Variants in TIMP2 observed in about 807,000 individuals in gnomAD.
The protein encoded by TIMP2 is TIMP metallopeptidase inhibitor 2.
Under a neutral mutation model 24.3 loss-of-function variants are expected in TIMP2, and 5 were observed. That is an observed-to-expected ratio of 0.21 (90% confidence interval 0.11 to 0.43). The LOEUF is 0.43. TIMP2 is among the 20% of genes least tolerant of loss of function. The pLI is 1.00. For missense variants in TIMP2, 221 were observed against 297.5 expected, an observed-to-expected ratio of 0.74 and a Z score of 1.89; for synonymous variants, 130 against 123.2, an observed-to-expected ratio of 1.06 and a Z score of -0.37.
At chr17:78,870,252 C>T (rs1327605602) in intron 3 of TIMP2, among the ~76,000 whole-genome samples, 3 of 151,830 alleles carry the variant, frequency 2.0e-5, no homozygotes, top group Non-Finnish European at 4.4e-5. Flanking sequence ...CCCATCTCTA[C>T]TAAAAATACA....
intron 1 of TIMP2, among the ~76,000 whole-genome samples, chr17:78,917,177 A>G (rs899766047): frequency 6.9e-6 from 1 of 144,490 alleles, no homozygotes; most frequent in South Asian, 2.2e-4. Flanking sequence ...GCGTGAACCC[A>G]GGAGGCGGAG....
At chr17:78,905,139 C>CAA (rs11460070) in intron 1 of TIMP2, 342 of 147,508 alleles carry the variant, frequency 2.3e-3, no homozygotes, top group African/African-American at 7.1e-3. Context: ...GACTCCATCT[C>CAA]AAAAAAAAAA....
At chr17:78,867,375 G>C (rs765705945) in intron 3 of TIMP2, among the ~76,000 whole-genome samples, 1 of 152,146 alleles carries the variant, frequency 6.6e-6, no homozygotes, top group Non-Finnish European at 1.5e-5. Flanking sequence ...TGATGACCGA[G>C]ATACCCAGCA....
chr17:78,891,159 TTTGACTTCCATTTCTAAACGTGGGC>T lies in TIMP2; in HGVS notation c.131-17265_131-17241del. ...AATATACCTGCCTCGGGAGACAATG[TTTGACTTCCATTTCTAAACGTGGGC>T]TTGACCGTGCCCTGATATTTTTGGT... On this transcript the variant is annotated intron_variant, in intron 1 of 4. Coordinates refer to ENST00000262768, the MANE Select transcript of TIMP2 (RefSeq NM_003255.5). This position sits in a 1 kb window ranked among gnomAD's most constrained non-coding sequence, Gnocchi z 4.5. 6.4e-7 allele frequency: 1 copy of T among 1,550,692 alleles called. No individual in the cohort carries two copies. The highest frequency in any genetic ancestry group is 8.7e-7 in the Non-Finnish European group (1 of 1,147,012).
intron 1 of TIMP2, chr17:78,899,399 C>G (rs2070054377): frequency 6.6e-6 from 1 of 152,406 alleles, no homozygotes; most frequent in South Asian, 2.1e-4. Flanking sequence ...GCTGTCCACA[C>G]CAGCAAGTCT....
intron 1 of TIMP2, among the ~76,000 whole-genome samples, chr17:78,907,205 T>TTTA (rs2070167796): frequency 6.6e-6 from 1 of 151,958 alleles, no homozygotes; most frequent in Admixed American, 6.6e-5. Flanking sequence ...AGCTAAGTTC[T>TTTA]TTAATTTTTT....
At position 78,893,082 on chromosome 17, in the gene TIMP2, C is replaced by T. The variant is rs538624031; in HGVS notation, c.131-19163G>A. 4.7e-5 allele frequency among the ~76,000 whole-genome samples: 7 copies of T among 149,534 alleles called. No homozygotes were observed. In the East Asian group the frequency reaches 1.0e-3, roughly 21 times the overall value. ...GTGTGTGTGCAGGAGTGTGTGCACGCGTGTGCAGGGGTGTGTGTGGGTGTG... is the reference window on the plus strand; with the variant it reads ...GTGTGTGTGCAGGAGTGTGTGCACGTGTGTGCAGGGGTGTGTGTGGGTGTG... On this transcript the variant is annotated intron_variant, in intron 1 of 4. Coordinates refer to ENST00000262768, the MANE Select transcript of TIMP2 (RefSeq NM_003255.5).
At chr17:78,922,629 C>T (rs1484000800) in intron 1 of TIMP2, among the ~76,000 whole-genome samples, 1 of 152,072 alleles carries the variant, frequency 6.6e-6, no homozygotes, top group African/African-American at 2.4e-5. Flanking sequence ...ACCAGCCTGG[C>T]CAACATGGCG....
intron 3 of TIMP2, among the ~76,000 whole-genome samples, chr17:78,865,980 T>C (rs1228989413): frequency 6.6e-6 from 1 of 150,954 alleles, no homozygotes; most frequent in Non-Finnish European, 1.5e-5. Context: ...TGGGACTTAC[T>C]TTAAAGGCTG....
intron 1 of TIMP2, among the ~76,000 whole-genome samples, chr17:78,887,130 T>G (rs1452152395): frequency 4.6e-5 from 7 of 152,232 alleles, no homozygotes; most frequent in African/African-American, 9.6e-5. Flanking sequence ...TGTGGGATGC[T>G]ACTCCCGCCC....
At chr17:78,856,015 G>A (rs8176329) in intron 4 of TIMP2, 151 bp from the exon 5 acceptor site, 579,857 of 758,672 alleles carry the variant, frequency 0.76, 224,272 homozygotes, top group Admixed American at 0.85. Flanking sequence ...TTCCTGCAGG[G>A]GCAGGCAGCT....
Position 78,905,567 on chromosome 17 carries a change from A to G in TIMP2, c.130+19392T>C, listed in dbSNP as rs1178868033. Among the ~76,000 whole-genome samples the G allele has an allele frequency of 2.6e-5, 4 of 152,224 alleles. No individual in the cohort carries two copies. The East Asian group carries it at 7.7e-4, about 29-fold the overall frequency. On this transcript the variant is annotated intron_variant, in intron 1 of 4. Coordinates refer to ENST00000262768, the MANE Select transcript of TIMP2 (RefSeq NM_003255.5). Reference sequence around the variant, plus strand: ...CTAGTGAGGAGGAAATAGCATGGGGACCAACAGGATGGCACGCTAGGCCTT... The same window carrying G: ...CTAGTGAGGAGGAAATAGCATGGGGGCCAACAGGATGGCACGCTAGGCCTT...
intron 1 of TIMP2, among the ~76,000 whole-genome samples, chr17:78,903,863 T>C (rs969568410): frequency 1.3e-5 from 2 of 151,916 alleles, no homozygotes; most frequent in African/African-American, 4.8e-5. Flanking sequence ...GCCCCTGACC[T>C]AGTCTGGGTG....
Position 78,891,739 on chromosome 17 carries a change from T to A in TIMP2, c.131-17820A>T. The A allele has an allele frequency of 6.4e-7, 1 of 1,551,244 alleles. No individual in the cohort carries two copies. Among genetic ancestry groups the A allele is most frequent in the Non-Finnish European group, 8.7e-7 (1 of 1,147,150 alleles). On this transcript the variant is annotated intron_variant, in intron 1 of 4. Transcript: ENST00000262768. The surrounding 1 kb of genome is among the most constrained non-coding windows in gnomAD (Gnocchi z 4.5). ...CGATTTCTCCCACAGCAGCCACGAG[T>A]GGGTTTGACCTTTCTAGGTCCGCCC...
chr17:78,886,235 T>A (rs1406051619), intron 1 of TIMP2, among the ~76,000 whole-genome samples: 1 of 152,092 alleles, frequency 6.6e-6, no homozygotes, highest in Non-Finnish European at 1.5e-5. Flanking sequence ...GCTCGTGTGG[T>A]CAAGAAGGGG....
At chr17:78,884,511 G>A (rs2069808296) in intron 1 of TIMP2, among the ~76,000 whole-genome samples, 1 of 152,116 alleles carries the variant, frequency 6.6e-6, no homozygotes, top group African/African-American at 2.4e-5. Flanking sequence ...TGGAATCCCA[G>A]GGTCCACACA....
chr17:78,878,658 G>A (rs1299466790), intron 1 of TIMP2, among the ~76,000 whole-genome samples: 1 of 152,052 alleles, frequency 6.6e-6, no homozygotes, highest in Non-Finnish European at 1.5e-5. Flanking sequence ...AGGGTCCAGG[G>A]TAGCCACGTG....
chr17:78,875,394 C>T (rs1030574001), intron 1 of TIMP2, among the ~76,000 whole-genome samples: 2 of 152,160 alleles, frequency 1.3e-5, no homozygotes, highest in Non-Finnish European at 2.9e-5. Context: ...CCAGAATATT[C>T]TGGAGCCTGA....
At chr17:78,888,451 C>T (rs538848285) in intron 1 of TIMP2, among the ~76,000 whole-genome samples, 3 of 151,342 alleles carry the variant, frequency 2.0e-5, no homozygotes, top group South Asian at 4.2e-4. Context: ...TGAGCCACCG[C>T]GTCCAGTATC....
Sources: gnomAD v4.1 joint callset for allele counts (sites outside exome capture counted in the v4.1 genomes callset) on GRCh38, gnomAD v4.1.1 for gene constraint, Gnocchi (gnomAD v3.1) non-coding constraint, MANE v1.5 for transcripts, NCBI Gene and HGNC (gene_info 2026-07-23, HGNC 2026-07-21) for gene names.